The following KAT6B variants were observed in gnomAD, a reference collection of about 807,000 sequenced individuals.
KAT6B encodes lysine acetyltransferase 6B.
In KAT6B, 10 loss-of-function variants were observed where a neutral mutation model predicts 187.5. The observed-to-expected ratio is 0.05, with a 90% confidence interval of 0.03 to 0.09. The LOEUF is 0.09. KAT6B is among the 10% of genes least tolerant of loss of function. The pLI is 1.00. For synonymous variants in KAT6B, 861 were observed against 926.8 expected, an observed-to-expected ratio of 0.93 and a Z score of 1.29; for missense variants, 1,952 against 2,558.9, an observed-to-expected ratio of 0.76 and a Z score of 5.12.
At chr10:75,019,945 A>T (rs1256604506) in intron 13 of KAT6B, among the ~76,000 whole-genome samples, 1 of 152,068 alleles carries the variant, frequency 6.6e-6, no homozygotes, top group Non-Finnish European at 1.5e-5. Flanking sequence ...CTGGGATTGG[A>T]TTGTAAATTA....
intron 3 of KAT6B, among the ~76,000 whole-genome samples, chr10:74,855,206 G>A (rs1842739228): frequency 3.3e-5 from 5 of 152,346 alleles, no homozygotes; most frequent in Admixed American, 2.6e-4. Context: ...CATATGGAGA[G>A]CAGTGAGGCC....
At chr10:74,879,181 G>C (rs1048495884) in intron 3 of KAT6B, among the ~76,000 whole-genome samples, 31 of 152,302 alleles carry the variant, frequency 2.0e-4, no homozygotes, top group African/African-American at 7.5e-4. Context: ...CACATTATCT[G>C]CTTTGTTAGG....
chr10:74,893,594 C>T (rs770493007), intron 3 of KAT6B, among the ~76,000 whole-genome samples: 23 of 151,788 alleles, frequency 1.5e-4, no homozygotes, highest in Non-Finnish European at 3.4e-4. Flanking sequence ...CTCAGCCTCC[C>T]GAGTAGCTGG....
chr10:74,897,847 T>G (rs1484313513), intron 3 of KAT6B, among the ~76,000 whole-genome samples: 2 of 152,226 alleles, frequency 1.3e-5, no homozygotes, highest in Non-Finnish European at 2.9e-5. Context: ...AATCTATGGC[T>G]CTAAAAATTG....
At chr10:74,861,075 T>C (rs1843146329) in intron 3 of KAT6B, among the ~76,000 whole-genome samples, 1 of 151,520 alleles carries the variant, frequency 6.6e-6, no homozygotes, top group Non-Finnish European at 1.5e-5. Context: ...AGGTGGAGGT[T>C]GCGGGAGCTG....
At chr10:74,846,845 C>G (rs1450725479) in intron 3 of KAT6B, among the ~76,000 whole-genome samples, 1 of 152,214 alleles carries the variant, frequency 6.6e-6, no homozygotes, top group African/African-American at 2.4e-5. Flanking sequence ...AATATGTACA[C>G]TACCCTAAGG....
At chr10:74,855,298 C>G (rs1195270821) in intron 3 of KAT6B, among the ~76,000 whole-genome samples, 1 of 152,184 alleles carries the variant, frequency 6.6e-6, no homozygotes, top group Non-Finnish European at 1.5e-5. Context: ...CAGAGCTTGA[C>G]TGTTTCTGTT....
intron 3 of KAT6B, among the ~76,000 whole-genome samples, chr10:74,955,383 T>TTCCC (rs1840601518): frequency 3.0e-5 from 3 of 101,392 alleles, no homozygotes; most frequent in Non-Finnish European, 3.9e-5. Flanking sequence ...CACAATTTTA[T>TTCCC]CCCCCCCCCC....
At chr10:74,976,702 G>A in intron 8 of KAT6B, 1 of 331,788 alleles carries the variant, frequency 3.0e-6, no homozygotes. Context: ...GTTCAGTTGT[G>A]TGCTGTCAGT....
At chr10:74,924,678 A>C (rs914735710) in intron 3 of KAT6B, among the ~76,000 whole-genome samples, 1 of 152,218 alleles carries the variant, frequency 6.6e-6, no homozygotes, top group Admixed American at 6.5e-5. Flanking sequence ...GCACTTCTTA[A>C]CCATGAAATT....
chr10:74,835,153 C>T (rs1841193477), intron 1 of KAT6B, among the ~76,000 whole-genome samples: 1 of 152,148 alleles, frequency 6.6e-6, no homozygotes, highest in African/African-American at 2.4e-5. Context: ...AAGCTAAAAG[C>T]TTCCTGTTAG....
intron 3 of KAT6B, among the ~76,000 whole-genome samples, chr10:74,884,809 T>C (rs1448134883): frequency 6.6e-6 from 1 of 152,180 alleles, no homozygotes. Context: ...CCTCAAATGA[T>C]CTGCCATCTT....
At chr10:74,879,636 C>T (rs183274308) in intron 3 of KAT6B, among the ~76,000 whole-genome samples, 1 of 152,310 alleles carries the variant, frequency 6.6e-6, no homozygotes, top group East Asian at 1.9e-4. Context: ...GTGCTAATGC[C>T]ATTCTGAGAA....
chr10:74,916,791 C>A (rs1395759404), intron 3 of KAT6B, among the ~76,000 whole-genome samples: 1 of 152,126 alleles, frequency 6.6e-6, no homozygotes, highest in Non-Finnish European at 1.5e-5. Context: ...CCTTATATAT[C>A]TGGGAACTTT....
chr10:74,992,688 C>G (rs896493609), intron 13 of KAT6B, among the ~76,000 whole-genome samples: 1 of 152,218 alleles, frequency 6.6e-6, no homozygotes, highest in African/African-American at 2.4e-5. Context: ...CACTGTTCTT[C>G]AGGGCAGCAG....
chr10:74,826,291 A>G (rs931730233), upstream of KAT6B, among the ~76,000 whole-genome samples: 1 of 151,664 alleles, frequency 6.6e-6, no homozygotes, highest in African/African-American at 2.4e-5. Context: ...TATCTAGGAG[A>G]GAGAAAAAGG....
intron 3 of KAT6B, among the ~76,000 whole-genome samples, chr10:74,925,843 A>G (rs778875469): frequency 2.0e-5 from 3 of 152,184 alleles, no homozygotes; most frequent in East Asian, 1.9e-4. Context: ...GAAATAATGT[A>G]TTGAGTGCTC....
At chr10:74,998,249 C>A (rs2133944385) in intron 13 of KAT6B, among the ~76,000 whole-genome samples, 1 of 152,228 alleles carries the variant, frequency 6.6e-6, no homozygotes, top group African/African-American at 2.4e-5. Flanking sequence ...CCGTGCCCAG[C>A]CTCCAATGGT....
chr10:74,889,089 T>C (rs1344229073), intron 3 of KAT6B, among the ~76,000 whole-genome samples: 1 of 152,118 alleles, frequency 6.6e-6, no homozygotes, highest in Non-Finnish European at 1.5e-5. Flanking sequence ...TTAGATTTGA[T>C]GAAGGATGAT....
Sources: gnomAD v4.1 joint callset for allele counts (sites outside exome capture counted in the v4.1 genomes callset) on GRCh38, gnomAD v4.1.1 for gene constraint, MANE v1.5 for transcripts, NCBI Gene and HGNC (gene_info 2026-07-23, HGNC 2026-07-21) for gene names.